The following PRRX2 variants were observed in gnomAD, a reference collection of about 807,000 sequenced individuals.
The protein encoded by PRRX2 is paired mesoderm homeobox protein 2.
Under a neutral mutation model 18.0 loss-of-function variants are expected in PRRX2, and 11 were observed. The observed-to-expected ratio is 0.61, with a 90% CI of 0.39 to 1.01. The LOEUF (loss-of-function observed/expected upper bound fraction) is 1.01. Ranked by LOEUF, PRRX2 falls within the 50% of genes least tolerant of loss-of-function variation. The pLI, the probability that PRRX2 is intolerant of heterozygous loss-of-function variation, is 0.01. For missense variants in PRRX2, 387 were observed against 351.0 expected (o/e 1.10, Z -0.82); for synonymous variants, 177 against 154.8 (o/e 1.14, Z -1.06).
chr9:129,720,568 T>C (rs1286345375), intron 2 of PRRX2, 28 bp from the exon 3 acceptor site: 2 of 1,575,984 alleles, frequency 1.3e-6, no homozygotes, highest in South Asian at 2.4e-5. Flanking sequence ...CTGCCCATGC[T>C]GCACCCTGCT....
chr9:129,714,561 A>T (rs1419762414), intron 1 of PRRX2, among the ~76,000 whole-genome samples: 1 of 152,076 alleles, frequency 6.6e-6, no homozygotes, highest in Non-Finnish European at 1.5e-5. Context: ...CCTTGGCACG[A>T]CCCTGGGCAG....
intron 1 of PRRX2, among the ~76,000 whole-genome samples, chr9:129,717,709 A>AG (rs1469618656): frequency 1.3e-5 from 2 of 151,188 alleles, no homozygotes; most frequent in African/African-American, 4.9e-5. Context: ...AAAAAAAAAA[A>AG]AAAAAGAAAA....
intron 1 of PRRX2, among the ~76,000 whole-genome samples, chr9:129,689,105 C>G (rs948479482): frequency 6.6e-5 from 10 of 152,282 alleles, no homozygotes; most frequent in Admixed American, 6.5e-4. Flanking sequence ...GAGAGACACT[C>G]CTGTGCTCCT....
At chr9:129,683,985 T>C (rs1195513775) in intron 1 of PRRX2, among the ~76,000 whole-genome samples, 1 of 152,084 alleles carries the variant, frequency 6.6e-6, no homozygotes, top group African/African-American at 2.4e-5. Context: ...GAGACTCACA[T>C]CCTAAATTCG....
intron 1 of PRRX2, among the ~76,000 whole-genome samples, chr9:129,706,172 G>A (rs1832554813): frequency 6.6e-6 from 1 of 152,194 alleles, no homozygotes; most frequent in African/African-American, 2.4e-5. Context: ...AGGGCCGGAT[G>A]TGGTGGCTCA....
At chr9:129,718,090 G>T (rs886519609) in intron 1 of PRRX2, among the ~76,000 whole-genome samples, 2 of 146,844 alleles carry the variant, frequency 1.4e-5, no homozygotes, top group Non-Finnish European at 3.0e-5. Flanking sequence ...CCAAGGTACA[G>T]GCTGGGCCCA....
intron 1 of PRRX2, among the ~76,000 whole-genome samples, chr9:129,687,076 T>G (rs1832307804): frequency 6.6e-6 from 1 of 151,924 alleles, no homozygotes; most frequent in South Asian, 2.1e-4. Flanking sequence ...CAGATCTGCT[T>G]CTTCAGGTGC....
At position 129,665,855 on chromosome 9, in the gene PRRX2, G is replaced by A. The variant is rs1588158549; in HGVS notation, c.-13G>A. On this transcript the variant is annotated 5_prime_UTR_variant, in exon 1 of 4. Coordinates refer to ENST00000372469, the MANE Select transcript of PRRX2 (RefSeq NM_016307.4). The surrounding 1 kb of genome is among the most constrained non-coding windows in gnomAD (Gnocchi z 5.3). ...CGAGACCCCCGCCGGCCCCCCCGGG[G>A]CCGCTCGCGGGCATGGACAGCGCGG... is the stretch of plus-strand genomic sequence containing the variant. The A allele has an allele frequency of 2.9e-6, 3 of 1,039,084 alleles. No homozygotes were observed. Among genetic ancestry groups the A allele is most frequent in the Non-Finnish European group, 3.5e-6 (3 of 868,136 alleles). The allele number at this position is 1,039,084 out of a possible 1,614,324, so 64.4% of individuals were successfully genotyped here.
chr9:129,720,095 T>C (rs1255389359), intron 2 of PRRX2, among the ~76,000 whole-genome samples: 6 of 138,748 alleles, frequency 4.3e-5, no homozygotes, highest in African/African-American at 2.0e-4. Flanking sequence ...AGTTTCAAGT[T>C]CTTAACTCTG....
rs58405360 is a variant in PRRX2, at chr9:129,715,750, T to TCACACA, written c.260-3443_260-3438dup. ...AAACCCAGCTTCAGGGACATCTTTCTCACACACACACACACACACACACAC... is the reference window on the plus strand; with the variant it reads ...AAACCCAGCTTCAGGGACATCTTTCTCACACACACACACACACACACACACACACAC... On this transcript the variant is annotated intron_variant, in intron 1 of 3. Coordinates refer to ENST00000372469, the MANE Select transcript of PRRX2 (RefSeq NM_016307.4). This position sits in a 1 kb window ranked among gnomAD's most constrained non-coding sequence, Gnocchi z 4.0. Among the ~76,000 whole-genome samples, 2,707 of 138,886 alleles carry TCACACA rather than the reference T, an allele frequency of 0.019. 31 individuals carry two copies. The highest frequency in any genetic ancestry group is 0.034 in the Admixed American group (459 of 13,668). The allele number at this position is 138,886 out of a possible 152,430, so 91.1% of individuals were successfully genotyped here. A position where few individuals can be genotyped will look rare whatever the true frequency, so the allele number is the denominator to read the frequency against.
At chr9:129,721,250 C>G (rs36114184) in intron 3 of PRRX2, among the ~76,000 whole-genome samples, 34,894 of 152,060 alleles carry the variant, frequency 0.23, 6,363 homozygotes, top group African/African-American at 0.5. Context: ...GAGAAACTGA[C>G]GCTGGGAGGG....
intron 1 of PRRX2, among the ~76,000 whole-genome samples, chr9:129,708,918 T>TA (rs1178965067): frequency 6.6e-6 from 1 of 152,214 alleles, no homozygotes; most frequent in Non-Finnish European, 1.5e-5. Flanking sequence ...GTCTGGATCT[T>TA]AGAGTCAAAT....
rs559359111 is a variant in PRRX2, at chr9:129,695,585, C to T, written c.260-23646C>T. On this transcript the variant is annotated intron_variant, in intron 1 of 3. Transcript: ENST00000372469. This position sits in a 1 kb window ranked among gnomAD's most constrained non-coding sequence, Gnocchi z 4.8. ...AGAGCTGGGAGCCGGGCCGGGAGCC[C>T]CCAGCTGGCAGGCACCTCCCTTTCC... is the stretch of plus-strand genomic sequence containing the variant. Among the ~76,000 whole-genome samples, 2 of 152,224 alleles carry T rather than the reference C, an allele frequency of 1.3e-5. No homozygotes were observed. Among genetic ancestry groups the T allele is most frequent in the Admixed American group, 1.3e-4 (2 of 15,260 alleles).
At chr9:129,703,583 G>A (rs1368731594) in intron 1 of PRRX2, among the ~76,000 whole-genome samples, 2 of 152,048 alleles carry the variant, frequency 1.3e-5, no homozygotes, top group African/African-American at 4.8e-5. Context: ...CTGTGAACAG[G>A]GCTTAATAAC....
intron 1 of PRRX2, among the ~76,000 whole-genome samples, chr9:129,717,191 C>T (rs1832719356): frequency 6.6e-6 from 1 of 152,110 alleles, no homozygotes; most frequent in African/African-American, 2.4e-5. Flanking sequence ...GGATTCCAGA[C>T]ACTTGTGACC....
At chr9:129,668,353 T>C (rs982963910) in intron 1 of PRRX2, among the ~76,000 whole-genome samples, 2 of 152,090 alleles carry the variant, frequency 1.3e-5, no homozygotes, top group African/African-American at 2.4e-5. Flanking sequence ...CCCAGGCCAG[T>C]GGGCTGAGTC....
At chr9:129,703,555 G>C (rs975147236) in intron 1 of PRRX2, among the ~76,000 whole-genome samples, 2 of 152,140 alleles carry the variant, frequency 1.3e-5, no homozygotes, top group African/African-American at 4.8e-5. Context: ...TTACCTCTCT[G>C]AATCTCATTG....
intron 1 of PRRX2, among the ~76,000 whole-genome samples, chr9:129,716,892 G>A (rs1178126726): frequency 6.6e-6 from 1 of 152,100 alleles, no homozygotes; most frequent in Non-Finnish European, 1.5e-5. Flanking sequence ...GGGAACAAGA[G>A]GGAAAATACA....
chr9:129,701,023 G>C (rs1360896416), intron 1 of PRRX2, among the ~76,000 whole-genome samples: 6 of 152,196 alleles, frequency 3.9e-5, no homozygotes, highest in African/African-American at 1.4e-4. Context: ...GAAGGATTTG[G>C]GGTCTTGAAA....
Sources: gnomAD v4.1 joint callset for allele counts (sites outside exome capture counted in the v4.1 genomes callset) on GRCh38, gnomAD v4.1.1 for gene constraint, Gnocchi (gnomAD v3.1) non-coding constraint, MANE v1.5 for transcripts, NCBI Gene and HGNC (gene_info 2026-07-23, HGNC 2026-07-21) for gene names.